Variants in OPCML observed in about 807,000 individuals in gnomAD.
OPCML encodes opioid binding protein/cell adhesion molecule like, also known as opioid-binding protein/cell adhesion molecule.
Under a neutral mutation model 37.8 loss-of-function variants are expected in OPCML, and 13 were observed. That is an observed-to-expected ratio of 0.34 (90% CI 0.22 to 0.55). OPCML has a LOEUF of 0.55. OPCML is among the 20% of genes least tolerant of loss of function. OPCML has a pLI of 0.91. For synonymous variants in OPCML, 176 were observed against 168.8 expected, an observed-to-expected ratio of 1.04 and a Z score of -0.33; for missense variants, 341 against 435.6, an observed-to-expected ratio of 0.78 and a Z score of 1.93.
At chr11:132,442,794 A>G (rs1360963999) in intron 4 of OPCML, among the ~76,000 whole-genome samples, 1 of 152,102 alleles carries the variant, frequency 6.6e-6, no homozygotes, top group Non-Finnish European at 1.5e-5. Context: ...GCCATGTAAG[A>G]TGTCCCTTGC....
chr11:133,311,625 A>G (rs1943069582), intron 1 of OPCML, among the ~76,000 whole-genome samples: 2 of 152,170 alleles, frequency 1.3e-5, no homozygotes, highest in South Asian at 4.1e-4. Context: ...CAAGAAAGAG[A>G]AATTTCAAGC....
At chr11:132,748,647 G>A (rs540487053) in intron 2 of OPCML, among the ~76,000 whole-genome samples, 1 of 152,162 alleles carries the variant, frequency 6.6e-6, no homozygotes, top group South Asian at 2.1e-4. Flanking sequence ...GGGCCTGCAG[G>A]GGGGCAGCCT....
At chr11:133,169,314 T>C (rs1950257071) in intron 1 of OPCML, among the ~76,000 whole-genome samples, 1 of 152,136 alleles carries the variant, frequency 6.6e-6, no homozygotes, top group African/African-American at 2.4e-5. Flanking sequence ...TATTTTGTCA[T>C]ATTAGCTCAC....
intron 1 of OPCML, among the ~76,000 whole-genome samples, chr11:133,002,292 T>C (rs772556620): frequency 2.0e-5 from 3 of 152,188 alleles, no homozygotes; most frequent in Admixed American, 6.5e-5. Context: ...CACTCAGCTT[T>C]TCAGAGCTGC....
chr11:133,349,053 G>T (rs142088753), intron 1 of OPCML, among the ~76,000 whole-genome samples: 1 of 152,058 alleles, frequency 6.6e-6, no homozygotes, highest in Admixed American at 6.5e-5. Context: ...ACCTAAAATC[G>T]CATTAATTGT....
chr11:133,524,802 G>C lies in OPCML; in HGVS notation c.61+7462C>G, dbSNP rs549653228. ...GCACATTCCCGTCTCTCAGAAGCAA[G>C]GCACATCCCCAAGCTTCTTGCCCTC... On this transcript the variant is annotated intron_variant, in intron 1 of 7. Coordinates refer to ENST00000524381, the MANE Select transcript of OPCML (RefSeq NM_001012393.5). Among the ~76,000 whole-genome samples the C allele has an allele frequency of 3.3e-5, 5 of 152,330 alleles. No homozygotes were observed. The East Asian group carries it at 9.7e-4, about 29-fold the overall frequency.
intron 1 of OPCML, among the ~76,000 whole-genome samples, chr11:133,500,817 A>G (rs1947894770): frequency 6.6e-6 from 1 of 152,218 alleles, no homozygotes; most frequent in African/African-American, 2.4e-5. Flanking sequence ...TCGAATTTTG[A>G]GAACAAACTC....
At chr11:132,929,015 C>T (rs1945095549) in intron 2 of OPCML, among the ~76,000 whole-genome samples, 1 of 148,370 alleles carries the variant, frequency 6.7e-6, no homozygotes. Context: ...AAAAAAAACA[C>T]TCAACAATCT....
At chr11:133,509,227 G>T (rs951415750) in intron 1 of OPCML, among the ~76,000 whole-genome samples, 1 of 151,960 alleles carries the variant, frequency 6.6e-6, no homozygotes, top group Non-Finnish European at 1.5e-5. Flanking sequence ...CTCAACCCCC[G>T]TCCCACTGAC....
chr11:133,525,899 C>T (rs1948480742), intron 1 of OPCML, among the ~76,000 whole-genome samples: 1 of 152,236 alleles, frequency 6.6e-6, no homozygotes, highest in East Asian at 1.9e-4. Flanking sequence ...CTTGGCCTTT[C>T]CGGGGGTCTC....
At chr11:132,494,578 C>A (rs181172477) in intron 4 of OPCML, among the ~76,000 whole-genome samples, 70 of 151,932 alleles carry the variant, frequency 4.6e-4, no homozygotes, top group Admixed American at 1.5e-3. Context: ...AGAAGGCAGG[C>A]AAAAATCTCA....
chr11:133,090,772 AG>A (rs1457219505), intron 1 of OPCML, among the ~76,000 whole-genome samples: 12 of 152,244 alleles, frequency 7.9e-5, no homozygotes, highest in African/African-American at 2.9e-4. Context: ...TTAAAGAGAA[AG>A]CAGAACTTAA....
intron 3 of OPCML, among the ~76,000 whole-genome samples, chr11:132,606,076 T>C (rs1591615334): frequency 6.6e-6 from 1 of 152,312 alleles, no homozygotes; most frequent in South Asian, 2.1e-4. Flanking sequence ...CAAGTACACT[T>C]TAAAGCTGTT....
chr11:132,910,564 C>A (rs1311839608), intron 2 of OPCML, among the ~76,000 whole-genome samples: 1 of 152,226 alleles, frequency 6.6e-6, no homozygotes, highest in Non-Finnish European at 1.5e-5. Context: ...TCCTTCCTAT[C>A]TGAATCCTTC....
chr11:132,768,530 C>T (rs1364341960), intron 2 of OPCML, among the ~76,000 whole-genome samples: 2 of 152,172 alleles, frequency 1.3e-5, no homozygotes, highest in African/African-American at 4.8e-5. Flanking sequence ...ACACTGAGTG[C>T]TCTCATTATT....
intron 1 of OPCML, among the ~76,000 whole-genome samples, chr11:133,221,344 T>G (rs1014636499): frequency 6.6e-6 from 1 of 152,136 alleles, no homozygotes; most frequent in Non-Finnish European, 1.5e-5. Flanking sequence ...TTCTGCAACA[T>G]CCTAGGCCCC....
chr11:132,489,207 G>T (rs1001944646), intron 4 of OPCML, among the ~76,000 whole-genome samples: 1 of 151,886 alleles, frequency 6.6e-6, no homozygotes, highest in Non-Finnish European at 1.5e-5. Flanking sequence ...CCTACACAGG[G>T]TCAGGATCAT....
chr11:132,899,369 A>G (rs1943967223), intron 2 of OPCML, among the ~76,000 whole-genome samples: 1 of 151,726 alleles, frequency 6.6e-6, no homozygotes, highest in Non-Finnish European at 1.5e-5. Flanking sequence ...TTTATTATGT[A>G]TAATAAGATT....
At position 132,654,554 on chromosome 11, in the gene OPCML, G is replaced by A. The variant is rs377347963; in HGVS notation, c.379+2533C>T. 3.2e-3 allele frequency among the ~76,000 whole-genome samples: 319 copies of A among 98,772 alleles called. 8 individuals are homozygous for A. In the Middle Eastern group the frequency reaches 0.055, roughly 17 times the overall value. 64.8% of individuals were successfully genotyped at this position (98,772 alleles called of 152,430 possible). ...AAGAGAAGCTCCTCCCCAAGAGAAG[G>A]TCCTCCCCAAAAGAACATCATCCCC... On this transcript the variant is annotated intron_variant, in intron 3 of 7. Transcript: ENST00000524381.
Sources: gnomAD v4.1 joint callset for allele counts (sites outside exome capture counted in the v4.1 genomes callset) on GRCh38, gnomAD v4.1.1 for gene constraint, MANE v1.5 for transcripts, NCBI Gene and HGNC (gene_info 2026-07-23, HGNC 2026-07-21) for gene names.